Variants in BTLA observed in about 807,000 individuals in gnomAD.
BTLA encodes B- and T-lymphocyte attenuator.
A neutral mutation model predicts 25.0 loss-of-function variants in BTLA; 11 were observed. That is an observed-to-expected ratio of 0.44 (90% CI 0.28 to 0.73). The LOEUF (loss-of-function observed/expected upper bound fraction) is 0.73. Among genes scored for constraint, BTLA ranks in the 30% least tolerant of loss-of-function variants. The probability of loss-of-function intolerance (pLI) is 0.15; values close to 1 mark genes in which losing one functional copy is unlikely to be tolerated. For synonymous variants in BTLA, 104 were observed against 119.8 expected, an observed-to-expected ratio of 0.87 and a Z score of 0.86; for missense variants, 282 against 332.8, an observed-to-expected ratio of 0.85 and a Z score of 1.19.
At chr3:112,470,745 A>C (rs2107310555) in intron 3 of BTLA, among the ~76,000 whole-genome samples, 1 of 152,336 alleles carries the variant, frequency 6.6e-6, no homozygotes, top group East Asian at 1.9e-4. Context: ...ATACAGACAT[A>C]TTAATTTTCT....
chr3:112,490,837 A>G (rs1486632240), intron 1 of BTLA, among the ~76,000 whole-genome samples: 2 of 151,882 alleles, frequency 1.3e-5, no homozygotes, highest in Non-Finnish European at 2.9e-5. Context: ...ATATCTTCTT[A>G]TATTCATTTA....
intron 1 of BTLA, among the ~76,000 whole-genome samples, chr3:112,492,281 AAAG>A (rs2082384423): frequency 6.6e-6 from 1 of 152,238 alleles, no homozygotes; most frequent in Non-Finnish European, 1.5e-5. Context: ...AATGAGTCCT[AAAG>A]AACAATGATT....
rs1294490492 is a variant in BTLA, at chr3:112,479,789, C to T, written c.89-20G>A. ...CTTTCCCTAAAAGATAAAAACAAAA[C>T]TAAAATCAAATATGTTCTTCTGGAA... On this transcript the variant is annotated intron_variant, in intron 1 of 4. Coordinates refer to ENST00000334529, the MANE Select transcript of BTLA (RefSeq NM_181780.4). 1 of 1,539,458 alleles carries T rather than the reference C, an allele frequency of 6.5e-7. No individual in the cohort carries two copies. Among genetic ancestry groups the T allele is most frequent in the African/African-American group, 1.4e-5 (1 of 72,242 alleles).
At chr3:112,492,580 C>T (rs2082385958) in intron 1 of BTLA, among the ~76,000 whole-genome samples, 1 of 152,212 alleles carries the variant, frequency 6.6e-6, no homozygotes, top group Non-Finnish European at 1.5e-5. Flanking sequence ...TCTCTACTTT[C>T]TTCCCAGATA....
At chr3:112,479,365 T>C in intron 2 of BTLA, 90 bp downstream of exon 2, 1 of 1,310,202 alleles carries the variant, frequency 7.6e-7, no homozygotes, top group Non-Finnish European at 1.1e-6. Context: ...GGAGTTGGCT[T>C]TCTAACATAA....
At chr3:112,479,231 A>C (rs2082304949) in intron 2 of BTLA, among the ~76,000 whole-genome samples, 1 of 152,174 alleles carries the variant, frequency 6.6e-6, no homozygotes, top group Non-Finnish European at 1.5e-5. Flanking sequence ...AAAAACAATA[A>C]CTTTTACTAT....
intron 4 of BTLA, among the ~76,000 whole-genome samples, chr3:112,467,680 CA>C (rs1276307104): frequency 6.6e-6 from 1 of 152,214 alleles, no homozygotes; most frequent in Admixed American, 6.5e-5. Context: ...GATACAGTGC[CA>C]CCCTCTGATG....
At chr3:112,481,397 G>A (rs1442824904) in intron 1 of BTLA, among the ~76,000 whole-genome samples, 1 of 152,238 alleles carries the variant, frequency 6.6e-6, no homozygotes, top group Non-Finnish European at 1.5e-5. Flanking sequence ...GCAAGTGGGT[G>A]CCACCAAGGC....
chr3:112,471,154 A>G, intron 3 of BTLA, 58 bp downstream of exon 3: 1 of 1,544,260 alleles, frequency 6.5e-7, no homozygotes, highest in Non-Finnish European at 8.8e-7. Context: ...CTTTAGCCCC[A>G]GAAATAAGAA....
intron 2 of BTLA, among the ~76,000 whole-genome samples, chr3:112,472,006 A>G (rs2082265339): frequency 6.6e-6 from 1 of 152,234 alleles, no homozygotes; most frequent in Non-Finnish European, 1.5e-5. Context: ...CACAAATAGC[A>G]TTTTAAAAAA....
intron 3 of BTLA, chr3:112,470,049 A>G (rs2082253891): frequency 2.6e-6 from 1 of 389,606 alleles, no homozygotes; most frequent in African/African-American, 2.1e-5. Flanking sequence ...GGGATCTAGT[A>G]TATCACTTGG....
At chr3:112,477,345 A>C (rs1403982832) in intron 2 of BTLA, among the ~76,000 whole-genome samples, 2 of 93,874 alleles carry the variant, frequency 2.1e-5, no homozygotes, top group Non-Finnish European at 4.5e-5. Context: ...GCTAACACTT[A>C]TTATTTTCTG....
rs2082429572 is a variant in BTLA at position 112,499,401 on chromosome 3, G to C, written c.-43C>G. On this transcript the variant is annotated 5_prime_UTR_variant, in exon 1 of 5. Coordinates refer to ENST00000334529, the MANE Select transcript of BTLA (RefSeq NM_181780.4). Reference sequence around the variant, plus strand: ...GATGGAAAAACTGCTCAAGTAGAAGGCTTTGCTTCGTCTTCTGAGTGCTGC... The same window carrying C: ...GATGGAAAAACTGCTCAAGTAGAAGCCTTTGCTTCGTCTTCTGAGTGCTGC... The C allele has an allele frequency of 6.4e-7, 1 of 1,573,914 alleles. No individual in the cohort carries two copies. The highest frequency in any genetic ancestry group is 1.4e-5 in the African/African-American group (1 of 73,738).
chr3:112,493,122 A>C (rs1171077376), intron 1 of BTLA, among the ~76,000 whole-genome samples: 2 of 152,216 alleles, frequency 1.3e-5, no homozygotes, highest in East Asian at 3.8e-4. Context: ...ATTTTGAGGT[A>C]AGAGAATGGA....
intron 1 of BTLA, among the ~76,000 whole-genome samples, chr3:112,483,736 G>A (rs1227308251): frequency 6.6e-6 from 1 of 152,014 alleles, no homozygotes; most frequent in Non-Finnish European, 1.5e-5. Flanking sequence ...GGGAGGCCGA[G>A]GGAGGTGGAT....
At chr3:112,482,763 C>A (rs1452395681) in intron 1 of BTLA, among the ~76,000 whole-genome samples, 1 of 151,928 alleles carries the variant, frequency 6.6e-6, no homozygotes, top group Admixed American at 6.6e-5. Context: ...TAAAATGAAA[C>A]CAAACTGAAA....
intron 1 of BTLA, among the ~76,000 whole-genome samples, chr3:112,486,314 T>C (rs1009711381): frequency 2.6e-5 from 4 of 152,332 alleles, no homozygotes; most frequent in Non-Finnish European, 4.4e-5. Flanking sequence ...GAGTACATCA[T>C]TTGAGCAACC....
chr3:112,472,132 G>C (rs896365484), intron 2 of BTLA, among the ~76,000 whole-genome samples: 4 of 152,108 alleles, frequency 2.6e-5, no homozygotes, highest in Admixed American at 2.0e-4. Flanking sequence ...AACAAGGTAG[G>C]GGGAGGGAGG....
At chr3:112,479,056 AAAAGT>A (rs1343174674) in intron 2 of BTLA, among the ~76,000 whole-genome samples, 1 of 152,170 alleles carries the variant, frequency 6.6e-6, no homozygotes, top group Non-Finnish European at 1.5e-5. Context: ...TGTAATGAAC[AAAAGT>A]AAAGAAGAGA....
Sources: allele counts gnomAD v4.1 joint callset (sites outside exome capture counted in the v4.1 genomes callset), GRCh38; gene constraint gnomAD v4.1.1; transcripts MANE v1.5; gene names NCBI Gene and HGNC (gene_info 2026-07-23, HGNC 2026-07-21).